The following UBE3D variants were observed in gnomAD, a reference collection of about 807,000 sequenced individuals.
UBE3D encodes the protein ubiquitin protein ligase E3D, also known as E3 ubiquitin-protein ligase E3D.
UBE3D carries 48 observed loss-of-function variants against 49.6 expected under a neutral mutation model. The observed-to-expected ratio is 0.97, with a 90% CI of 0.77 to 1.23. The LOEUF is 1.23. Ranked by LOEUF, UBE3D falls within the 50% of genes most tolerant of loss-of-function variation. The pLI is 0.00. For synonymous variants in UBE3D, 189 were observed against 174.2 expected (o/e 1.08, Z -0.67); for missense variants, 452 against 468.4 (o/e 0.96, Z 0.32).
intron 9 of UBE3D, among the ~76,000 whole-genome samples, chr6:82,924,074 G>A (rs1773563350): frequency 6.6e-6 from 1 of 151,318 alleles, no homozygotes; most frequent in Non-Finnish European, 1.5e-5. Flanking sequence ...GCATGCATAT[G>A]CACAAGCAGC....
intron 9 of UBE3D, among the ~76,000 whole-genome samples, chr6:82,956,840 G>C (rs1776189308): frequency 6.6e-6 from 1 of 152,156 alleles, no homozygotes; most frequent in Admixed American, 6.5e-5. Flanking sequence ...AAAAGAGATA[G>C]ACAAAGGCCG....
At chr6:83,051,508 C>T (rs968061740) in intron 3 of UBE3D, among the ~76,000 whole-genome samples, 6 of 152,148 alleles carry the variant, frequency 3.9e-5, no homozygotes, top group Admixed American at 2.0e-4. Flanking sequence ...AAGCAGAACC[C>T]GGAAATACTG....
chr6:83,022,386 AAAAACTGAAG>A, intron 7 of UBE3D, 57 bp downstream of exon 7: 1 of 1,073,918 alleles, frequency 9.3e-7, no homozygotes, highest in Non-Finnish European at 1.3e-6. Context: ...AAAAGGATGA[AAAAACTGAAG>A]AATTCTGAGA....
In UBE3D at chr6:82,959,064, T is replaced by C. The variant is rs377595790; in HGVS notation, c.1011-1614A>G. Among the ~76,000 whole-genome samples, 303 of 152,228 alleles carry C rather than the reference T, an allele frequency of 2.0e-3. 2 individuals are homozygous for C. The highest frequency in any genetic ancestry group is 6.9e-3 in the African/African-American group (286 of 41,534). On this transcript the variant is annotated intron_variant, in intron 8 of 9. Transcript: ENST00000369747. The stretch of plus-strand genomic sequence containing the variant: ...ATTCCAAGTCTTGGGTGATAAGCGC[T>C]GTTTTCTCACCTTGGTATGGAGAGG...
intron 8 of UBE3D, among the ~76,000 whole-genome samples, chr6:82,990,538 A>G (rs1275894915): frequency 2.0e-5 from 3 of 152,116 alleles, no homozygotes; most frequent in Non-Finnish European, 4.4e-5. Flanking sequence ...GTGGCCTCCC[A>G]AAGTGCTGGG....
chr6:82,962,660 C>A (rs564146128), intron 8 of UBE3D, among the ~76,000 whole-genome samples: 1 of 152,222 alleles, frequency 6.6e-6, no homozygotes, highest in African/African-American at 2.4e-5. Flanking sequence ...AATTTTTATT[C>A]CCATTGAAGC....
chr6:82,997,477 T>G (rs1779321939), intron 8 of UBE3D, among the ~76,000 whole-genome samples: 1 of 152,116 alleles, frequency 6.6e-6, no homozygotes, highest in South Asian at 2.1e-4. Context: ...CCCAGCATTT[T>G]GGGAGGCAGA....
intron 9 of UBE3D, among the ~76,000 whole-genome samples, chr6:82,951,884 TTC>T (rs1356412593): frequency 6.6e-6 from 1 of 152,184 alleles, no homozygotes; most frequent in Admixed American, 6.5e-5. Context: ...GCAGCACTAC[TTC>T]TTGTGGAGGT....
chr6:82,925,787 TA>T (rs1360511864), intron 9 of UBE3D, among the ~76,000 whole-genome samples: 1 of 152,112 alleles, frequency 6.6e-6, no homozygotes, highest in East Asian at 1.9e-4. Context: ...AGTCAGCCTC[TA>T]AAATATGAGG....
chr6:82,965,583 CAAAAAAAAA>C (rs35257086), intron 8 of UBE3D, among the ~76,000 whole-genome samples: 1 of 86,358 alleles, frequency 1.2e-5, no homozygotes, highest in Non-Finnish European at 2.3e-5. Flanking sequence ...AACTCCATCT[CAAAAAAAAA>C]AAAAAAAAAA....
At chr6:82,935,331 T>C (rs2127749205) in intron 9 of UBE3D, among the ~76,000 whole-genome samples, 1 of 152,166 alleles carries the variant, frequency 6.6e-6, no homozygotes, top group Admixed American at 6.5e-5. Context: ...ATGCCATTCA[T>C]GAGAGATACA....
At chr6:83,027,452 AAAAAAAAAAG>A (rs1781556212) in intron 5 of UBE3D, among the ~76,000 whole-genome samples, 2 of 147,512 alleles carry the variant, frequency 1.4e-5, no homozygotes, top group Non-Finnish European at 3.0e-5. Context: ...AAAAAAAAAA[AAAAAAAAAAG>A]AAACCACTAG....
At chr6:83,003,297 CAT>C (rs1305412113) in intron 8 of UBE3D, among the ~76,000 whole-genome samples, 1 of 152,032 alleles carries the variant, frequency 6.6e-6, no homozygotes, top group African/African-American at 2.4e-5. Flanking sequence ...ATACTTGTCT[CAT>C]ATTTTTTCAT....
intron 9 of UBE3D, among the ~76,000 whole-genome samples, chr6:82,909,888 T>C (rs777064908): frequency 6.6e-6 from 1 of 152,170 alleles, no homozygotes; most frequent in East Asian, 1.9e-4. Flanking sequence ...ATCCTTCCCC[T>C]TCCTCCCAAC....
chr6:82,894,864 A>G (rs1481229981), intron 9 of UBE3D, among the ~76,000 whole-genome samples: 1 of 152,230 alleles, frequency 6.6e-6, no homozygotes, highest in Non-Finnish European at 1.5e-5. Context: ...ACAACTGTAC[A>G]AAGAAGACAA....
chr6:83,049,887 C>T, intron 3 of UBE3D: 1 of 451,218 alleles, frequency 2.2e-6, no homozygotes, highest in South Asian at 1.6e-5. Flanking sequence ...TTGGCTGTTT[C>T]TGAGACTATT....
At chr6:82,917,722 G>C (rs1773026981) in intron 9 of UBE3D, among the ~76,000 whole-genome samples, 1 of 152,150 alleles carries the variant, frequency 6.6e-6, no homozygotes, top group Non-Finnish European at 1.5e-5. Flanking sequence ...AGGCAGAAGT[G>C]GGAAACCAGA....
At chr6:83,055,655 G>A (rs1383145841) in intron 2 of UBE3D, among the ~76,000 whole-genome samples, 3 of 152,254 alleles carry the variant, frequency 2.0e-5, no homozygotes, top group Non-Finnish European at 1.5e-5. Context: ...TCAATCTAAT[G>A]CGTGTGCTCT....
intron 8 of UBE3D, among the ~76,000 whole-genome samples, chr6:82,961,981 AT>A (rs1237401331): frequency 3.6e-5 from 3 of 84,254 alleles, no homozygotes; most frequent in Non-Finnish European, 7.8e-5. Context: ...ATGCTAATTT[AT>A]TTTTTATACG....
Sources: allele counts gnomAD v4.1 joint callset (sites outside exome capture counted in the v4.1 genomes callset), GRCh38; gene constraint gnomAD v4.1.1; transcripts MANE v1.5; gene names NCBI Gene and HGNC (gene_info 2026-07-23, HGNC 2026-07-21).